The following CRISPLD2 variants were observed in gnomAD, a reference collection of about 807,000 sequenced individuals.
CRISPLD2 encodes cysteine rich secretory protein LCCL domain containing 2.
Under a neutral mutation model 71.1 loss-of-function variants are expected in CRISPLD2, and 47 were observed. The ratio of observed to expected loss-of-function variants is 0.66; its 90% CI spans 0.52 to 0.84. The LOEUF (loss-of-function observed/expected upper bound fraction) is 0.84, where lower values mean the gene tolerates loss of function less well. Among genes scored for constraint, CRISPLD2 ranks in the 40% least tolerant of loss-of-function variants. The probability of loss-of-function intolerance (pLI) is 0.00; values close to 1 mark genes in which losing one functional copy is unlikely to be tolerated. For synonymous variants in CRISPLD2, 317 were observed against 250.1 expected, an observed-to-expected ratio of 1.27 and a Z score of -2.52; for missense variants, 830 against 651.1, an observed-to-expected ratio of 1.27 and a Z score of -2.99.
chr16:84,868,968 C>T, intron 8 of CRISPLD2, 57 bp downstream of exon 8: 1 of 1,464,634 alleles, frequency 6.8e-7, no homozygotes, highest in Non-Finnish European at 9.3e-7. Flanking sequence ...GCTGGGCTGT[C>T]CTACCACTGT....
intron 13 of CRISPLD2, among the ~76,000 whole-genome samples, chr16:84,882,991 T>G (rs138379442): frequency 6.6e-6 from 1 of 152,344 alleles, no homozygotes; most frequent in East Asian, 1.9e-4. Flanking sequence ...GCAGTCTTCA[T>G]TAACAAGTTT....
chr16:84,851,551 G>A (rs1917090273), intron 5 of CRISPLD2, among the ~76,000 whole-genome samples: 2 of 152,230 alleles, frequency 1.3e-5, no homozygotes, highest in Non-Finnish European at 2.9e-5. Context: ...GGGATGAAGG[G>A]GGAATCGCTG....
chr16:84,854,247 T>C (rs1917170612), intron 5 of CRISPLD2, among the ~76,000 whole-genome samples: 1 of 152,040 alleles, frequency 6.6e-6, no homozygotes, highest in African/African-American at 2.4e-5. Context: ...CCTGGGGTGT[T>C]GGGGAGATGG....
chr16:84,848,552 G>C (rs544809013), intron 3 of CRISPLD2, among the ~76,000 whole-genome samples: 1 of 152,084 alleles, frequency 6.6e-6, no homozygotes, highest in South Asian at 2.1e-4. Flanking sequence ...GGATGTCCAG[G>C]GACAGGTGCA....
rs181548437 is a variant in CRISPLD2, at chr16:84,829,726, C to T, written c.-74-8696C>T. 7.3e-3 allele frequency among the ~76,000 whole-genome samples: 1,109 copies of T among 152,330 alleles called. 9 individuals carry two copies. The highest frequency in any genetic ancestry group is 0.012 in the Non-Finnish European group (784 of 68,036). On this transcript the variant is annotated intron_variant, in intron 1 of 14. Coordinates refer to ENST00000262424, the MANE Select transcript of CRISPLD2 (RefSeq NM_031476.4). ...GGCGTAGTGAATGAATCGACATTGT[C>T]CTCAGGCCTTATGTGTGACCACAGG...
chr16:84,888,491 C>T (rs970492595), intron 13 of CRISPLD2, among the ~76,000 whole-genome samples: 5 of 152,214 alleles, frequency 3.3e-5, no homozygotes, highest in African/African-American at 4.8e-5. Flanking sequence ...AACTGAACTC[C>T]TTGATGATGT....
At chr16:84,868,747 G>C in intron 7 of CRISPLD2, 104 bp from the exon 8 acceptor site, 1 of 962,150 alleles carries the variant, frequency 1.0e-6, no homozygotes, top group African/African-American at 1.6e-5. Context: ...AGTATAGCAC[G>C]GATTGGATTG....
intron 6 of CRISPLD2, among the ~76,000 whole-genome samples, chr16:84,862,596 C>T (rs1917414559): frequency 6.6e-6 from 1 of 151,660 alleles, no homozygotes; most frequent in Admixed American, 6.6e-5. Flanking sequence ...TGGGATATTT[C>T]CTCAGGCTTT....
At position 84,906,732 on chromosome 16, in the gene CRISPLD2, A is replaced by G. The variant is rs2071806137; in HGVS notation, c.*90A>G. The G allele has an allele frequency of 6.8e-7, 1 of 1,460,422 alleles. No individual in the cohort carries two copies. The highest frequency in any genetic ancestry group is 9.6e-7 in the Non-Finnish European group (1 of 1,041,360). The allele number at this position is 1,460,422 out of a possible 1,614,324, so 90.5% of individuals were successfully genotyped here. A position where few individuals can be genotyped will look rare whatever the true frequency, so the allele number is the denominator to read the frequency against. ...TTTTGTCATTGCGGGGTATATGGAG[A>G]GTCAGGAAACTTCCTTTGACTGATG... On this transcript the variant is annotated 3_prime_UTR_variant, in exon 15 of 15. Transcript: ENST00000262424.
chr16:84,898,339 A>C (rs1041812898), intron 14 of CRISPLD2, among the ~76,000 whole-genome samples: 3 of 152,018 alleles, frequency 2.0e-5, no homozygotes, highest in Non-Finnish European at 1.5e-5. Flanking sequence ...ACTCCCATTC[A>C]AGGCCGCAGC....
intron 13 of CRISPLD2, among the ~76,000 whole-genome samples, chr16:84,888,783 A>G (rs2071635464): frequency 6.6e-6 from 1 of 152,088 alleles, no homozygotes; most frequent in African/African-American, 2.4e-5. Context: ...TGTTTCCTTT[A>G]TGTCGTTCTG....
chr16:84,878,857 C>T (rs897095310), intron 12 of CRISPLD2, among the ~76,000 whole-genome samples: 8 of 152,230 alleles, frequency 5.3e-5, no homozygotes, highest in African/African-American at 1.4e-4. Context: ...AAACAGAGCA[C>T]GCTTTCTGAC....
chr16:84,860,620 C>T (rs1012300591), intron 6 of CRISPLD2, among the ~76,000 whole-genome samples: 1 of 152,184 alleles, frequency 6.6e-6, no homozygotes, highest in African/African-American at 2.4e-5. Flanking sequence ...GACGTTGCCA[C>T]TACTGGGGAT....
intron 6 of CRISPLD2, among the ~76,000 whole-genome samples, chr16:84,856,633 C>A (rs571700474): frequency 6.6e-6 from 1 of 152,300 alleles, no homozygotes; most frequent in East Asian, 1.9e-4. Flanking sequence ...ATGGGAGAAA[C>A]AATCCCACAT....
intron 6 of CRISPLD2, among the ~76,000 whole-genome samples, chr16:84,860,449 G>C (rs1917348865): frequency 1.3e-5 from 2 of 152,184 alleles, no homozygotes; most frequent in African/African-American, 4.8e-5. Flanking sequence ...CAGGACTTTA[G>C]TCTAGTTATA....
intron 5 of CRISPLD2, among the ~76,000 whole-genome samples, chr16:84,853,635 TGCC>T (rs1403636051): frequency 6.6e-6 from 1 of 152,196 alleles, no homozygotes; most frequent in Non-Finnish European, 1.5e-5. Flanking sequence ...GCGTGTTTCC[TGCC>T]GTTTGTCTTT....
intron 14 of CRISPLD2, among the ~76,000 whole-genome samples, chr16:84,900,871 G>C (rs2071747396): frequency 1.3e-5 from 2 of 152,066 alleles, no homozygotes; most frequent in Admixed American, 6.6e-5. Flanking sequence ...GGGCGGCATG[G>C]TGAAATCCCA....
At chr16:84,821,975 C>T (rs982658645) in intron 1 of CRISPLD2, among the ~76,000 whole-genome samples, 24 of 152,216 alleles carry the variant, frequency 1.6e-4, no homozygotes, top group African/African-American at 5.3e-4. Context: ...CCAGGCTGGG[C>T]CCTGCCCCAG....
chr16:84,854,887 G>T, intron 6 of CRISPLD2, 58 bp downstream of exon 6: 1 of 1,311,524 alleles, frequency 7.6e-7, no homozygotes, highest in South Asian at 1.2e-5. Context: ...TGAGTCATGC[G>T]ACAGCGTTAC....
Sources: gnomAD v4.1 joint callset for allele counts (sites outside exome capture counted in the v4.1 genomes callset) on GRCh38, gnomAD v4.1.1 for gene constraint, MANE v1.5 for transcripts, NCBI Gene and HGNC (gene_info 2026-07-23, HGNC 2026-07-21) for gene names.